ENOX1: variants seen among roughly 807,000 people sequenced by gnomAD.
The protein encoded by ENOX1 is candidate growth-related and time keeping constitutive hydroquinone (NADH) oxidase.
Under a neutral mutation model 82.5 loss-of-function variants are expected in ENOX1, and 42 were observed. The ratio of observed to expected loss-of-function variants is 0.51; its 90% confidence interval spans 0.40 to 0.66. The LOEUF (loss-of-function observed/expected upper bound fraction) is 0.66, where lower values mean the gene tolerates loss of function less well. Among genes scored for constraint, ENOX1 ranks in the 30% least tolerant of loss-of-function variants. The pLI is 0.00. For synonymous variants in ENOX1, 271 were observed against 282.2 expected (o/e 0.96, Z 0.40); for missense variants, 608 against 811.6 (o/e 0.75, Z 3.05).
chr13:43,381,748 C>A (rs1304265490), intron 5 of ENOX1, among the ~76,000 whole-genome samples: 1 of 151,702 alleles, frequency 6.6e-6, no homozygotes, highest in Non-Finnish European at 1.5e-5. Context: ...AATTGTATGT[C>A]AATAAATTTA....
chr13:43,632,684 T>A (rs2083269070), intron 2 of ENOX1, among the ~76,000 whole-genome samples: 1 of 152,132 alleles, frequency 6.6e-6, no homozygotes, highest in Admixed American at 6.5e-5. Context: ...TGACCTCAGG[T>A]GATCCACCTG....
intron 9 of ENOX1, among the ~76,000 whole-genome samples, chr13:43,338,285 G>A (rs1484588529): frequency 1.3e-5 from 2 of 152,212 alleles, no homozygotes; most frequent in Non-Finnish European, 2.9e-5. Context: ...GAAACTGAAA[G>A]TGGGCAGGCC....
intron 12 of ENOX1, among the ~76,000 whole-genome samples, chr13:43,297,832 T>A (rs1442980296): frequency 6.7e-6 from 1 of 148,708 alleles, no homozygotes; most frequent in Admixed American, 6.6e-5. Context: ...ACTCTGATGC[T>A]TCATGTATTC....
chr13:43,417,221 CGGGAGACGGGAGACGGGAGACGGGAGA>C (rs1307132017), intron 3 of ENOX1, among the ~76,000 whole-genome samples: 5 of 64,932 alleles, frequency 7.7e-5, no homozygotes, highest in Admixed American at 4.5e-4. Flanking sequence ...AGACGGGAGA[CGGGAGACGGGAGACGGGAGACGGGAGA>C]GGGAGAGGGA....
chr13:43,629,558 A>T (rs1226095280), intron 2 of ENOX1, among the ~76,000 whole-genome samples: 1 of 152,230 alleles, frequency 6.6e-6, no homozygotes, highest in Non-Finnish European at 1.5e-5. Context: ...TGGGAGGAAT[A>T]GGAAAATCAC....
chr13:43,505,776 G>T (rs1021133719), intron 2 of ENOX1, among the ~76,000 whole-genome samples: 4 of 151,936 alleles, frequency 2.6e-5, no homozygotes, highest in African/African-American at 4.8e-5. Context: ...TTTGTCAATT[G>T]TGGCTTTTGT....
chr13:43,315,203 T>G (rs1038675622), intron 11 of ENOX1, among the ~76,000 whole-genome samples: 1 of 152,190 alleles, frequency 6.6e-6, no homozygotes, highest in African/African-American at 2.4e-5. Context: ...AGTTGTTAGG[T>G]TTTCAAAAAT....
chr13:43,313,103 C>A (rs1042704536), intron 11 of ENOX1, among the ~76,000 whole-genome samples: 1 of 152,140 alleles, frequency 6.6e-6, no homozygotes, highest in Non-Finnish European at 1.5e-5. Flanking sequence ...ATAACAGGGT[C>A]ATTAACCTGA....
intron 2 of ENOX1, among the ~76,000 whole-genome samples, chr13:43,514,386 A>C (rs184052051): frequency 6.6e-6 from 1 of 152,268 alleles, no homozygotes; most frequent in East Asian, 1.9e-4. Flanking sequence ...TGTCTTAATA[A>C]ATTATAAAAT....
chr13:43,757,942 C>A (rs1950744812), intron 1 of ENOX1, among the ~76,000 whole-genome samples: 1 of 151,966 alleles, frequency 6.6e-6, no homozygotes, highest in African/African-American at 2.4e-5. Flanking sequence ...ACAGAAGTCT[C>A]TCAACAGATT....
intron 2 of ENOX1, among the ~76,000 whole-genome samples, chr13:43,575,716 C>T (rs975818743): frequency 2.6e-5 from 4 of 152,190 alleles, no homozygotes; most frequent in African/African-American, 9.7e-5. Flanking sequence ...ATAGATTCCT[C>T]GGTAATTTAG....
intron 3 of ENOX1, among the ~76,000 whole-genome samples, chr13:43,416,043 C>T (rs1289905797): frequency 1.2e-4 from 16 of 137,854 alleles, no homozygotes; most frequent in East Asian, 5.5e-4. Flanking sequence ...CTCCTCACTT[C>T]CCAGATGATG....
intron 3 of ENOX1, among the ~76,000 whole-genome samples, chr13:43,452,648 A>C (rs1422193963): frequency 6.6e-6 from 1 of 151,876 alleles, no homozygotes; most frequent in African/African-American, 2.4e-5. Context: ...TCAGCCTCCC[A>C]AGTAGCTGGG....
At chr13:43,670,149 A>C (rs2085188376) in intron 1 of ENOX1, among the ~76,000 whole-genome samples, 2 of 152,204 alleles carry the variant, frequency 1.3e-5, no homozygotes, top group South Asian at 4.1e-4. Context: ...GCACACAAAG[A>C]GCCTCATTTA....
At chr13:43,430,930 G>A (rs2055619381) in intron 3 of ENOX1, among the ~76,000 whole-genome samples, 1 of 152,114 alleles carries the variant, frequency 6.6e-6, no homozygotes, top group Non-Finnish European at 1.5e-5. Flanking sequence ...TGCATTGTGT[G>A]GAGAAGTTTT....
intron 3 of ENOX1, among the ~76,000 whole-genome samples, chr13:43,461,668 G>A (rs1422809452): frequency 6.6e-6 from 1 of 152,236 alleles, no homozygotes; most frequent in East Asian, 1.9e-4. Flanking sequence ...GGGGCTTTGA[G>A]GACTGGGTGG....
At chr13:43,698,772 G>T (rs760616913) in intron 1 of ENOX1, among the ~76,000 whole-genome samples, 4 of 152,032 alleles carry the variant, frequency 2.6e-5, no homozygotes, top group Non-Finnish European at 1.5e-5. Flanking sequence ...CTTCACTAGA[G>T]ATATATTTAT....
At chr13:43,390,394 G>C (rs1326308379) in intron 5 of ENOX1, among the ~76,000 whole-genome samples, 1 of 152,084 alleles carries the variant, frequency 6.6e-6, no homozygotes, top group South Asian at 2.1e-4. Flanking sequence ...TTATCAAGGA[G>C]AATGCCTGCA....
chr13:43,478,938 C>A (rs2058399448), intron 3 of ENOX1, among the ~76,000 whole-genome samples: 1 of 64,322 alleles, frequency 1.6e-5, no homozygotes, highest in Non-Finnish European at 4.1e-5. Context: ...GAGGTCAGAG[C>A]CATTTCGGGG....
Sources: gnomAD v4.1 joint callset for allele counts (sites outside exome capture counted in the v4.1 genomes callset) on GRCh38, gnomAD v4.1.1 for gene constraint, MANE v1.5 for transcripts, NCBI Gene and HGNC (gene_info 2026-07-23, HGNC 2026-07-21) for gene names.